Variants in MYPOP observed in about 807,000 individuals in gnomAD.
The protein encoded by MYPOP is Myb related transcription factor, partner of profilin.
A neutral mutation model predicts 25.7 loss-of-function variants in MYPOP; 21 were observed. That is an observed-to-expected ratio of 0.82 (90% CI 0.58 to 1.18). The LOEUF is 1.18. MYPOP is among the 50% of genes most tolerant of loss of function. MYPOP has a pLI of 0.00. For missense variants in MYPOP, 566 were observed against 588.3 expected, an observed-to-expected ratio of 0.96 and a Z score of 0.39; for synonymous variants, 280 against 247.9, an observed-to-expected ratio of 1.13 and a Z score of -1.22.
chr19:45,890,470 C>T lies in MYPOP; in HGVS notation c.*153G>A. ...GGGGGCCCATTACTGAGGCCCCCCC[C>T]AGAGAATCAGGCACTAACTAGCACA... is the stretch of plus-strand genomic sequence containing the variant. On this transcript the variant is annotated 3_prime_UTR_variant, in exon 3 of 3. Transcript: ENST00000322217. 7.7e-7 allele frequency: 1 copy of T among 1,305,708 alleles called. No homozygotes were observed. The highest frequency in any genetic ancestry group is 1.0e-6 in the Non-Finnish European group (1 of 986,856). The allele number at this position is 1,305,708 out of a possible 1,614,324, so 80.9% of individuals were successfully genotyped here.
rs779662559 is a variant in MYPOP, at chr19:45,901,800, C to T, written c.-27G>A. On this transcript the variant is annotated 5_prime_UTR_variant, in exon 2 of 3. Coordinates refer to ENST00000322217, the MANE Select transcript of MYPOP (RefSeq NM_001012643.4). This position sits in a 1 kb window ranked among gnomAD's most constrained non-coding sequence, Gnocchi z 5.7. ...GCGCCCCCCGACGCCGCCGTCCTGC[C>T]GTCTGGCGCATGGGGGGCGCCGGCG... 8 of 1,376,516 alleles carry T rather than the reference C, an allele frequency of 5.8e-6. No homozygotes were observed. The highest frequency in any genetic ancestry group is 7.5e-6 in the Non-Finnish European group (8 of 1,071,242). The allele number at this position is 1,376,516 out of a possible 1,614,324, so 85.3% of individuals were successfully genotyped here.
intron 2 of MYPOP, among the ~76,000 whole-genome samples, chr19:45,893,490 C>T (rs1967154182): frequency 6.7e-6 from 1 of 150,060 alleles, no homozygotes; most frequent in Admixed American, 6.7e-5. Flanking sequence ...ATCGCTTGAA[C>T]CCGGGAGGCA....
At position 45,901,407 on chromosome 19, in the gene MYPOP, C is replaced by A; in HGVS notation, c.367G>T (p.Gly123Cys). The A allele has an allele frequency of 6.4e-7, 1 of 1,553,256 alleles. No homozygotes were observed. ...GCACCTGCCCCCGGCGCCGCCACAC[C>A]TGGCCCCAGGATGGCAAAAATGGTC... ...EETIFAILGP[G>C]VAAPGAGAGA... Residue 123 changes from glycine (G) to cysteine (C), a missense_variant, in exon 2 of 3, where the codon GGT becomes TGT. Transcript: ENST00000322217. This position sits in a 1 kb window ranked among gnomAD's most constrained non-coding sequence, Gnocchi z 5.7.
intron 2 of MYPOP, among the ~76,000 whole-genome samples, chr19:45,899,560 C>T (rs1344462441): frequency 6.6e-6 from 1 of 151,958 alleles, no homozygotes; most frequent in East Asian, 1.9e-4. Context: ...CAAGTCCAGG[C>T]CGGGCGTGGT....
rs1967281191 is a variant in MYPOP at position 45,901,045 on chromosome 19, A to T, written c.499+230T>A. On this transcript the variant is annotated intron_variant, in intron 2 of 2. Coordinates refer to ENST00000322217, the MANE Select transcript of MYPOP (RefSeq NM_001012643.4). This position sits in a 1 kb window ranked among gnomAD's most constrained non-coding sequence, Gnocchi z 5.7. ...AAATCCTGCCTGTGCTGATGACCCC[A>T]GGTGTGGACCTGAGTCAGGCCTCCT... Among the ~76,000 whole-genome samples, 1 of 152,204 alleles carries T rather than the reference A, an allele frequency of 6.6e-6. No homozygotes were observed. Among genetic ancestry groups the T allele is most frequent in the South Asian group, 2.1e-4 (1 of 4,830 alleles).
At chr19:45,900,453 C>A (rs1259011775) in intron 2 of MYPOP, among the ~76,000 whole-genome samples, 2 of 124,172 alleles carry the variant, frequency 1.6e-5, no homozygotes, top group African/African-American at 6.1e-5. Flanking sequence ...TGGACCACCC[C>A]CCCCCCCACC....
chr19:45,899,353 T>C (rs1967254951), intron 2 of MYPOP, among the ~76,000 whole-genome samples: 1 of 152,220 alleles, frequency 6.6e-6, no homozygotes, highest in African/African-American at 2.4e-5. Context: ...GTTCTCAATA[T>C]ATATTTGCTA....
At chr19:45,891,472 T>A in intron 2 of MYPOP, 149 bp from the exon 3 acceptor site, 1 of 955,060 alleles carries the variant, frequency 1.0e-6, no homozygotes, top group Non-Finnish European at 1.4e-6. Context: ...AGTCTTGGTC[T>A]GTCACCCAGG....
intron 1 of MYPOP, among the ~76,000 whole-genome samples, chr19:45,902,080 G>A (rs1007870819): frequency 2.7e-5 from 4 of 150,916 alleles, no homozygotes; most frequent in African/African-American, 4.9e-5. Flanking sequence ...GGGTCTGGAG[G>A]GATGGAAGGA....
In MYPOP at chr19:45,891,211, G is replaced by T; in HGVS notation, c.612C>A (p.Pro204=). 6.5e-7 allele frequency: 1 copy of T among 1,536,468 alleles called. No individual in the cohort carries two copies. The highest frequency in any genetic ancestry group is 2.4e-5 in the East Asian group (1 of 41,800). ...CPRPKERESP[P]PSALQPVQLP... is the part of the protein sequence containing the mutation. ...GCTGGACCGGCTGCAGGGCCGAAGG[G>T]GGTGGTGACTCACGCTCCTTGGGCC... Residue 204 remains proline, a synonymous_variant, in exon 3 of 3, where the codon CCC becomes CCA. Transcript: ENST00000322217.
At chr19:45,891,390 A>T (rs1967124205) in intron 2 of MYPOP, 67 bp from the exon 3 acceptor site, 1 of 1,380,082 alleles carries the variant, frequency 7.2e-7, no homozygotes, top group Non-Finnish European at 9.4e-7. Flanking sequence ...CCCCTTTCCC[A>T]CTCCTTCCCT....
chr19:45,891,717 T>C (rs1179427589), intron 2 of MYPOP, among the ~76,000 whole-genome samples: 1 of 151,936 alleles, frequency 6.6e-6, no homozygotes, highest in African/African-American at 2.4e-5. Flanking sequence ...GGATTCCAGG[T>C]GTGAGCCACC....
intron 2 of MYPOP, among the ~76,000 whole-genome samples, 155 bp from the exon 3 acceptor site, chr19:45,891,478 C>G (rs1967126011): frequency 6.6e-6 from 1 of 151,126 alleles, no homozygotes; most frequent in Admixed American, 6.6e-5. Context: ...GGTCTGTCAC[C>G]CAGGCTGTAG....
At chr19:45,899,933 C>T (rs1477362218) in intron 2 of MYPOP, among the ~76,000 whole-genome samples, 1 of 152,228 alleles carries the variant, frequency 6.6e-6, no homozygotes, top group Non-Finnish European at 1.5e-5. Flanking sequence ...CACTCATTAA[C>T]TCCTGGTCAA....
In MYPOP at chr19:45,891,206, G is replaced by A. The variant is rs776929030; in HGVS notation, c.617C>T (p.Ser206Leu). ...AGGCAGCTGGACCGGCTGCAGGGCC[G>A]AAGGGGGTGGTGACTCACGCTCCTT... ...RPKERESPPP[S>L]ALQPVQLPRL... is the part of the protein sequence containing the mutation. Residue 206 changes from serine (S) to leucine (L), a missense_variant, in exon 3 of 3, where the codon TCG becomes TTG. Transcript: ENST00000322217. 11 of 1,533,752 alleles carry A rather than the reference G, an allele frequency of 7.2e-6. No individual in the cohort carries two copies. The highest frequency in any genetic ancestry group is 5.9e-5 in the Admixed American group (3 of 50,596).
intron 2 of MYPOP, 33 bp from the exon 3 acceptor site, chr19:45,891,356 C>G (rs144976338): frequency 5.6e-6 from 8 of 1,435,534 alleles, no homozygotes; most frequent in Non-Finnish European, 7.3e-6. Flanking sequence ...AAGGGGTGAG[C>G]GACCCTCGAT....
In MYPOP at chr19:45,901,865, G is replaced by A. The variant is rs1286910422; in HGVS notation, c.-52-40C>T. The stretch of plus-strand genomic sequence containing the variant: ...CGCACGGGGCTGGCTGGGGTTCGGG[G>A]TCCCCCCGCCGCCGCCTCTCCCAGA... On this transcript the variant is annotated intron_variant, in intron 1 of 2. Coordinates refer to ENST00000322217, the MANE Select transcript of MYPOP (RefSeq NM_001012643.4). This position sits in a 1 kb window ranked among gnomAD's most constrained non-coding sequence, Gnocchi z 5.7. The A allele has an allele frequency of 3.7e-6, 4 of 1,075,238 alleles. No homozygotes were observed. The African/African-American group carries it at 6.6e-5, about 18-fold the overall frequency. The allele number at this position is 1,075,238 out of a possible 1,614,324, so 66.6% of individuals were successfully genotyped here.
At position 45,901,256 on chromosome 19, in the gene MYPOP, CT is replaced by C. The variant is rs773163784; in HGVS notation, c.499+18del. ...GCTTGCAACAGCGCAGGCACACAGC[CT>C]ACTCTGAAGACACTCACCTGCACGT... On this transcript the variant is annotated intron_variant, in intron 2 of 2. Coordinates refer to ENST00000322217, the MANE Select transcript of MYPOP (RefSeq NM_001012643.4). The surrounding 1 kb of genome is among the most constrained non-coding windows in gnomAD (Gnocchi z 5.7). 2.8e-6 allele frequency: 4 copies of C among 1,433,248 alleles called. No homozygotes were observed. The East Asian group carries it at 1.1e-4, about 39-fold the overall frequency. 88.8% of individuals were successfully genotyped at this position (1,433,248 alleles called of 1,614,324 possible).
At chr19:45,892,599 C>T (rs374078720) in intron 2 of MYPOP, among the ~76,000 whole-genome samples, 2 of 152,294 alleles carry the variant, frequency 1.3e-5, no homozygotes, top group Non-Finnish European at 2.9e-5. Flanking sequence ...GATCCTCCCC[C>T]ACCCTGCTCC....
Sources: allele counts gnomAD v4.1 joint callset (sites outside exome capture counted in the v4.1 genomes callset), GRCh38; gene constraint gnomAD v4.1.1; non-coding constraint Gnocchi (gnomAD v3.1); transcripts MANE v1.5; gene names NCBI Gene and HGNC (gene_info 2026-07-23, HGNC 2026-07-21).